Variants in SCN10A observed in about 807,000 individuals in gnomAD.
The protein encoded by SCN10A is sodium channel protein type 10 subunit alpha.
SCN10A carries 162 observed loss-of-function variants against 170.7 expected under a neutral mutation model. That is an observed-to-expected ratio of 0.95 (90% CI 0.84 to 1.08). The LOEUF is 1.08. Ranked by LOEUF, SCN10A falls within the 50% of genes least tolerant of loss-of-function variation. SCN10A has a pLI of 0.00. For synonymous variants in SCN10A, 985 were observed against 904.6 expected, an observed-to-expected ratio of 1.09 and a Z score of -1.59; for missense variants, 2,527 against 2,436.9, an observed-to-expected ratio of 1.04 and a Z score of -0.78.
chr3:38,777,951 T>C (rs1054022094), intron 4 of SCN10A, among the ~76,000 whole-genome samples: 1 of 152,068 alleles, frequency 6.6e-6, no homozygotes, highest in Non-Finnish European at 1.5e-5. Flanking sequence ...AACTGTAACT[T>C]TGAGGAGAAA....
At chr3:38,758,755 C>T (rs2063836896) in intron 8 of SCN10A, among the ~76,000 whole-genome samples, 1 of 152,172 alleles carries the variant, frequency 6.6e-6, no homozygotes, top group African/African-American at 2.4e-5. Flanking sequence ...GCCATCCCAG[C>T]CTGGTCCACT....
chr3:38,796,112 G>A (rs2064340481), intron 1 of SCN10A, among the ~76,000 whole-genome samples: 1 of 152,072 alleles, frequency 6.6e-6, no homozygotes, highest in African/African-American at 2.4e-5. Context: ...TGTCTCATGA[G>A]CACCTCAAGC....
At chr3:38,721,561 G>T (rs1211869444) in intron 20 of SCN10A, among the ~76,000 whole-genome samples, 1 of 152,116 alleles carries the variant, frequency 6.6e-6, no homozygotes, top group African/African-American at 2.4e-5. Flanking sequence ...ATTCAGCCAG[G>T]GCCTTAGAGA....
rs367571807 is a variant in SCN10A at position 38,728,920 on chromosome 3, C to T, written c.2281-19G>A. The T allele has an allele frequency of 6.4e-5, 101 of 1,588,484 alleles. No individual in the cohort carries two copies. Among genetic ancestry groups the T allele is most frequent in the Non-Finnish European group, 8.1e-5 (94 of 1,164,622 alleles). ...CGCGCAGCTGCAGAGAAACAGAGAC[C>T]GTCAGGTTTTGGTAGCTGTGCTCAT... On this transcript the variant is annotated intron_variant, in intron 15 of 27. Transcript: ENST00000449082.
intron 15 of SCN10A, among the ~76,000 whole-genome samples, chr3:38,736,963 G>GTTTTTTTTCTTTTTTTTTTTT (rs2063568601): frequency 2.1e-5 from 1 of 46,666 alleles, no homozygotes; most frequent in Admixed American, 3.3e-4. Flanking sequence ...AGAAATGTTC[G>GTTTTTTTTCTTTTTTTTTTTT]TTTTTTTTTT....
chr3:38,718,364 T>C (rs1022705946), intron 21 of SCN10A, among the ~76,000 whole-genome samples: 1 of 152,234 alleles, frequency 6.6e-6, no homozygotes, highest in South Asian at 2.1e-4. Context: ...CTCTGAGAGC[T>C]GCATGTGTCA....
chr3:38,811,733 A>G (rs1466163655), intron 1 of SCN10A, among the ~76,000 whole-genome samples: 1 of 152,176 alleles, frequency 6.6e-6, no homozygotes, highest in African/African-American at 2.4e-5. Flanking sequence ...TCCAGCTAAT[A>G]AGAGGCAGAG....
In SCN10A at chr3:38,789,001, AC is replaced by A; in HGVS notation, c.424del (p.Val142LeufsTer6). The A allele has an allele frequency of 6.2e-7, 1 of 1,612,358 alleles. No individual in the cohort carries two copies. Among genetic ancestry groups the A allele is most frequent in the Non-Finnish European group, 8.5e-7 (1 of 1,178,624 alleles). ...FSLFITVTILVNCVCMTRTDL... is the reference protein window; with the variant it reads ...FSLFITVTILXNCVCMTRTDL... The stretch of plus-strand genomic sequence containing the variant: ...AGTTCGGGTCATGCACACACAATTA[AC>A]CAAAATAGTGACCGTAATAAATAAA... On this transcript the variant is annotated frameshift_variant, in exon 4 of 28. Transcript: ENST00000449082. LOFTEE classifies it high-confidence loss of function.
Position 38,739,742 on chromosome 3 carries a change from T to A in SCN10A, c.2107-54A>T, listed in dbSNP as rs1045206805. 16 of 1,385,440 alleles carry A rather than the reference T, an allele frequency of 1.2e-5. No individual in the cohort carries two copies. The Admixed American group carries it at 3.3e-4, about 28-fold the overall frequency. 85.8% of individuals were successfully genotyped at this position (1,385,440 alleles called of 1,614,324 possible). On this transcript the variant is annotated intron_variant, in intron 14 of 27. Coordinates refer to ENST00000449082, the MANE Select transcript of SCN10A (RefSeq NM_006514.4). ...GTGGGATCTGTGGGGTCGGAGGCAATGATAAAAATGGCAGCAAGAAAATGT... is the reference window on the plus strand; with the variant it reads ...GTGGGATCTGTGGGGTCGGAGGCAAAGATAAAAATGGCAGCAAGAAAATGT...
rs367571807 is a variant in SCN10A, at chr3:38,728,920, C to G, written c.2281-19G>C. 2.5e-5 allele frequency: 39 copies of G among 1,588,486 alleles called. No individual in the cohort carries two copies. The African/African-American group carries it at 5.1e-4, about 21-fold the overall frequency. On this transcript the variant is annotated intron_variant, in intron 15 of 27. Transcript: ENST00000449082. ...CGCGCAGCTGCAGAGAAACAGAGAC[C>G]GTCAGGTTTTGGTAGCTGTGCTCAT...
In SCN10A at chr3:38,723,451, G is replaced by A. The variant is rs1199275410; in HGVS notation, c.3331C>T (p.Pro1111Ser). 2 of 1,614,066 alleles carry A rather than the reference G, an allele frequency of 1.2e-6. No homozygotes were observed. The highest frequency in any genetic ancestry group is 1.3e-5 in the African/African-American group (1 of 74,914). Residue 1111 changes from proline (P) to serine (S), a missense_variant, in exon 19 of 28, where the codon CCA (proline) becomes TCA (serine). Coordinates refer to ENST00000449082, the MANE Select transcript of SCN10A (RefSeq NM_006514.4). Reference protein sequence around the residue: ...IPELADDLEEPDDCFTEGCIR... With the variant: ...IPELADDLEESDDCFTEGCIR... ...TCACCTTCTGTGAAGCAGTCATCTG[G>A]TTCTTCCAGGTCATCTGCCAGCTCA...
intron 3 of SCN10A, 42 bp from the exon 4 acceptor site, chr3:38,789,078 T>C: frequency 9.0e-7 from 1 of 1,113,426 alleles, no homozygotes; most frequent in East Asian, 2.4e-5. Flanking sequence ...TCACCAAGTC[T>C]CTGTGATGTC....
intron 15 of SCN10A, among the ~76,000 whole-genome samples, chr3:38,730,736 T>C (rs1335228157): frequency 6.6e-6 from 1 of 152,128 alleles, no homozygotes; most frequent in Non-Finnish European, 1.5e-5. Context: ...AAAAATATTA[T>C]GAAGAAGGTT....
chr3:38,705,214 G>A (rs2063197799), intron 26 of SCN10A, among the ~76,000 whole-genome samples: 1 of 152,232 alleles, frequency 6.6e-6, no homozygotes, highest in South Asian at 2.1e-4. Context: ...CCTCAGCTAT[G>A]CGAAATTAGG....
chr3:38,792,007 G>A, intron 3 of SCN10A, 43 bp downstream of exon 3: 1 of 1,608,880 alleles, frequency 6.2e-7, no homozygotes, highest in Non-Finnish European at 8.5e-7. Context: ...AGTAGGCAAG[G>A]TCTAATTGTA....
intron 10 of SCN10A, among the ~76,000 whole-genome samples, chr3:38,756,246 T>C (rs541943675): frequency 6.6e-6 from 1 of 152,126 alleles, no homozygotes; most frequent in Admixed American, 6.5e-5. Flanking sequence ...ACTTGCAGCA[T>C]TCTACAAAAA....
rs2063441535 is a variant in SCN10A at position 38,725,276 on chromosome 3, G to GA, written c.3125_3126insT (p.Leu1043ProfsTer13). On this transcript the variant is annotated frameshift_variant, in exon 18 of 28. Transcript: ENST00000449082. LOFTEE classifies it high-confidence loss of function. ...CAGTGCCTGGGCTCCTGGGTGTCAGGTGGTCCCCACACCTCTCGACTTGCT... is the reference window on the plus strand; with the variant it reads ...CAGTGCCTGGGCTCCTGGGTGTCAGGATGGTCCCCACACCTCTCGACTTGCT... The GA allele has an allele frequency of 5.6e-6, 9 of 1,598,340 alleles. No homozygotes were observed. The highest frequency in any genetic ancestry group is 7.7e-6 in the Non-Finnish European group (9 of 1,168,612).
intron 4 of SCN10A, among the ~76,000 whole-genome samples, chr3:38,787,672 C>T (rs1387889075): frequency 6.6e-6 from 1 of 151,890 alleles, no homozygotes; most frequent in African/African-American, 2.4e-5. Flanking sequence ...GATGCAATCC[C>T]CTTTTTAAAA....
chr3:38,700,307 CT>C (rs201427366), intron 27 of SCN10A, among the ~76,000 whole-genome samples: 4,791 of 152,264 alleles, frequency 0.031, 90 homozygotes, highest in Non-Finnish European at 0.045. Flanking sequence ...TGGGGAGGTA[CT>C]TGTCAAAGTG....
Sources: gnomAD v4.1 joint callset for allele counts (sites outside exome capture counted in the v4.1 genomes callset) on GRCh38, gnomAD v4.1.1 for gene constraint, MANE v1.5 for transcripts, NCBI Gene and HGNC (gene_info 2026-07-23, HGNC 2026-07-21) for gene names.